ST6GALNAC5: variants seen among roughly 807,000 people sequenced by gnomAD.
The protein encoded by ST6GALNAC5 is alpha-N-acetylgalactosaminide alpha-2,6-sialyltransferase 5.
ST6GALNAC5 carries 27 observed loss-of-function variants against 33.6 expected under a neutral mutation model. The ratio of observed to expected loss-of-function variants is 0.80; its 90% confidence interval spans 0.59 to 1.11. The LOEUF (loss-of-function observed/expected upper bound fraction) is 1.11, where lower values mean the gene tolerates loss of function less well. Ranked by LOEUF, ST6GALNAC5 falls within the 50% of genes least tolerant of loss-of-function variation. ST6GALNAC5 has a pLI of 0.00. For missense variants in ST6GALNAC5, 428 were observed against 454.0 expected (o/e 0.94, Z 0.52); for synonymous variants, 194 against 171.2 (o/e 1.13, Z -1.04).
At position 76,957,664 on chromosome 1, in the gene ST6GALNAC5, A is replaced by G. The variant is rs537742145; in HGVS notation, c.262-86540A>G. 3.4e-5 allele frequency among the ~76,000 whole-genome samples: 5 copies of G among 145,546 alleles called. No individual in the cohort carries two copies. The South Asian group carries it at 6.9e-4, about 20-fold the overall frequency. Reference sequence around the variant, plus strand: ...GTTAATCCATTTGAAAGTACTAGACATGACACTACACCCCTAAATACTTCA... The same window carrying G: ...GTTAATCCATTTGAAAGTACTAGACGTGACACTACACCCCTAAATACTTCA... On this transcript the variant is annotated intron_variant, in intron 2 of 4. Transcript: ENST00000477717.
chr1:76,945,480 G>T (rs555499391), intron 2 of ST6GALNAC5, among the ~76,000 whole-genome samples: 1 of 151,940 alleles, frequency 6.6e-6, no homozygotes. Context: ...TATTTTTCAG[G>T]TGTTATGTTT....
At chr1:77,055,952 C>A (rs1557776879) in intron 4 of ST6GALNAC5, among the ~76,000 whole-genome samples, 1 of 152,174 alleles carries the variant, frequency 6.6e-6, no homozygotes, top group African/African-American at 2.4e-5. Context: ...TATTGCAAGA[C>A]CAAAAGTGCC....
chr1:76,983,490 A>C (rs1649343819), intron 2 of ST6GALNAC5, among the ~76,000 whole-genome samples: 1 of 152,186 alleles, frequency 6.6e-6, no homozygotes. Context: ...CGCACCCAAT[A>C]CAAGAGCACC....
chr1:76,972,076 C>T lies in ST6GALNAC5; in HGVS notation c.262-72128C>T, dbSNP rs114305615. ...CTCACACTGCTAATAAATAAATACCCGAGACTGGGTAACTTATAAAGGAAA... is the reference window on the plus strand; with the variant it reads ...CTCACACTGCTAATAAATAAATACCTGAGACTGGGTAACTTATAAAGGAAA... On this transcript the variant is annotated intron_variant, in intron 2 of 4. Coordinates refer to ENST00000477717, the MANE Select transcript of ST6GALNAC5 (RefSeq NM_030965.3). Among the ~76,000 whole-genome samples, 311 of 152,180 alleles carry T rather than the reference C, an allele frequency of 2.0e-3. 1 individual carries two copies. Among genetic ancestry groups the T allele is most frequent in the Non-Finnish European group, 3.7e-3 (249 of 68,004 alleles).
In ST6GALNAC5 at chr1:76,868,687, G is replaced by A. The variant is rs993511285; in HGVS notation, c.206G>A (p.Gly69Glu). The change falls in exon 2 of 5, where the codon GGG (glycine) becomes GAG (glutamate). Residue 69 changes from glycine to glutamate, a missense_variant. Transcript: ENST00000477717. This position sits in a 1 kb window ranked among gnomAD's most constrained non-coding sequence, Gnocchi z 4.3. ...GAGAGCAGCACCCAGCAGCGCCCCG[G>A]GGTCCCCGCGGGACCGCGGCCACTG... ...AAESSTQQRPGVPAGPRPLDG... is the reference protein window; with the variant it reads ...AAESSTQQRPEVPAGPRPLDG... 6.4e-7 allele frequency: 1 copy of A among 1,551,002 alleles called. No individual in the cohort carries two copies. The highest frequency in any genetic ancestry group is 8.7e-7 in the Non-Finnish European group (1 of 1,147,550).
chr1:76,874,029 C>A (rs1034873851), intron 2 of ST6GALNAC5, among the ~76,000 whole-genome samples: 1 of 152,112 alleles, frequency 6.6e-6, no homozygotes. Context: ...AATCAGGAAG[C>A]AATAAATCAA....
intron 2 of ST6GALNAC5, among the ~76,000 whole-genome samples, chr1:76,885,945 G>C (rs1295237188): frequency 1.3e-5 from 2 of 152,184 alleles, no homozygotes; most frequent in Non-Finnish European, 1.5e-5. Flanking sequence ...TATGGCCTGC[G>C]ATAACCTGAC....
At chr1:77,032,883 C>T (rs1031784141) in intron 2 of ST6GALNAC5, among the ~76,000 whole-genome samples, 9 of 152,110 alleles carry the variant, frequency 5.9e-5, no homozygotes, top group South Asian at 2.1e-4. Flanking sequence ...TTCCAGATTT[C>T]GAGCCATGCT....
At chr1:77,025,532 TG>T (rs1469626370) in intron 2 of ST6GALNAC5, among the ~76,000 whole-genome samples, 2 of 134,100 alleles carry the variant, frequency 1.5e-5, no homozygotes, top group Non-Finnish European at 3.2e-5. Context: ...AAAAAAAAAA[TG>T]GATCATAGAG....
chr1:76,894,983 G>T (rs1322580400), intron 2 of ST6GALNAC5, among the ~76,000 whole-genome samples: 2 of 152,034 alleles, frequency 1.3e-5, no homozygotes, highest in African/African-American at 4.8e-5. Flanking sequence ...GTCAAAGGGG[G>T]GTTATTCTCT....
At chr1:76,895,466 T>C (rs1394496037) in intron 2 of ST6GALNAC5, among the ~76,000 whole-genome samples, 1 of 152,114 alleles carries the variant, frequency 6.6e-6, no homozygotes, top group Non-Finnish European at 1.5e-5. Flanking sequence ...TTATTGGTGA[T>C]GGCCTGGATA....
intron 2 of ST6GALNAC5, among the ~76,000 whole-genome samples, chr1:76,958,626 T>G (rs1427221209): frequency 6.6e-6 from 1 of 152,156 alleles, no homozygotes. Context: ...TTTTGTTTTT[T>G]AATAGTAGAT....
At chr1:76,905,929 A>G (rs1646860149) in intron 2 of ST6GALNAC5, among the ~76,000 whole-genome samples, 1 of 152,184 alleles carries the variant, frequency 6.6e-6, no homozygotes. Flanking sequence ...AGCTGGTGTT[A>G]AGATGGAGAA....
intron 2 of ST6GALNAC5, among the ~76,000 whole-genome samples, chr1:77,032,186 T>C (rs896402318): frequency 2.0e-5 from 3 of 152,132 alleles, no homozygotes; most frequent in African/African-American, 7.2e-5. Context: ...TTATGAATAG[T>C]GCCACTTGGA....
intron 2 of ST6GALNAC5, among the ~76,000 whole-genome samples, chr1:76,876,411 C>T (rs1273966833): frequency 6.6e-6 from 1 of 152,232 alleles, no homozygotes; most frequent in Non-Finnish European, 1.5e-5. Flanking sequence ...GGGAAAGAGG[C>T]TGAGTTGTGT....
At chr1:76,890,542 TCA>T (rs1156685130) in intron 2 of ST6GALNAC5, among the ~76,000 whole-genome samples, 2 of 128,534 alleles carry the variant, frequency 1.6e-5, no homozygotes, top group South Asian at 2.5e-4. Flanking sequence ...GATTTTTACT[TCA>T]GTTTTTTTTT....
rs2100487057 is a variant in ST6GALNAC5, at chr1:77,064,296, CACTCTTGTGGTTAAA to C, written c.*1094_*1108del. The C allele has an allele frequency of 6.6e-6, 1 of 152,152 alleles. No individual in the cohort carries two copies. The highest frequency in any genetic ancestry group is 2.1e-4 in the South Asian group (1 of 4,806). The allele number at this position is 152,152 out of a possible 1,614,324, so 9.4% of individuals were successfully genotyped here. A position where few individuals can be genotyped will look rare whatever the true frequency, so the allele number is the denominator to read the frequency against. On this transcript the variant is annotated 3_prime_UTR_variant, in exon 5 of 5. Coordinates refer to ENST00000477717, the MANE Select transcript of ST6GALNAC5 (RefSeq NM_030965.3). ...TTATCTACATTCATATTACTTATAT[CACTCTTGTGGTTAAA>C]ACTACACTTCTTCCTGTGTCCACAT... is the stretch of plus-strand genomic sequence containing the variant.
At chr1:76,990,751 T>C (rs1649691245) in intron 2 of ST6GALNAC5, among the ~76,000 whole-genome samples, 1 of 152,174 alleles carries the variant, frequency 6.6e-6, no homozygotes, top group Non-Finnish European at 1.5e-5. Context: ...GATAGCAGAC[T>C]CAAACTGGGT....
At chr1:76,913,712 G>A (rs533505566) in intron 2 of ST6GALNAC5, among the ~76,000 whole-genome samples, 27 of 151,606 alleles carry the variant, frequency 1.8e-4, no homozygotes, top group South Asian at 1.3e-3. Flanking sequence ...TGATGGCATC[G>A]GCTCCAAACC....
Sources: gnomAD v4.1 joint callset for allele counts (sites outside exome capture counted in the v4.1 genomes callset) on GRCh38, gnomAD v4.1.1 for gene constraint, Gnocchi (gnomAD v3.1) non-coding constraint, MANE v1.5 for transcripts, NCBI Gene and HGNC (gene_info 2026-07-23, HGNC 2026-07-21) for gene names.